LRP11: variants seen among roughly 807,000 people sequenced by gnomAD.
The protein encoded by LRP11 is LDL receptor related protein 11, also known as low-density lipoprotein receptor-related protein 11.
Under a neutral mutation model 43.1 loss-of-function variants are expected in LRP11, and 25 were observed. That is an observed-to-expected ratio of 0.58 (90% CI 0.42 to 0.81). LRP11 has a LOEUF of 0.81. Among genes scored for constraint, LRP11 ranks in the 30% least tolerant of loss-of-function variants. The pLI, the probability that LRP11 is intolerant of heterozygous loss-of-function variation, is 0.00. For missense variants in LRP11, 623 were observed against 665.1 expected (o/e 0.94, Z 0.70); for synonymous variants, 316 against 299.4 (o/e 1.06, Z -0.57).
chr6:149,822,058 G>A (rs1465387681), intron 6 of LRP11, among the ~76,000 whole-genome samples: 1 of 152,184 alleles, frequency 6.6e-6, no homozygotes, highest in African/African-American at 2.4e-5. Context: ...CATCAACAAT[G>A]AAGTGAGGGC....
intron 1 of LRP11, among the ~76,000 whole-genome samples, chr6:149,860,145 T>C (rs1306588797): frequency 6.6e-6 from 1 of 152,080 alleles, no homozygotes; most frequent in East Asian, 1.9e-4. Flanking sequence ...ACTCTTTTGT[T>C]TGCACTTGGC....
chr6:149,855,725 C>G (rs912428635), intron 1 of LRP11, among the ~76,000 whole-genome samples: 15 of 143,730 alleles, frequency 1.0e-4, no homozygotes, highest in Non-Finnish European at 1.7e-4. Flanking sequence ...AAAAAAAACA[C>G]ATTATGAGGA....
At chr6:149,842,788 C>A in intron 3 of LRP11, 195 bp downstream of exon 3, 1 of 1,255,408 alleles carries the variant, frequency 8.0e-7, no homozygotes, top group Non-Finnish European at 1.1e-6. Flanking sequence ...TCCACCCCAA[C>A]CCAGTAGCAT....
At position 149,864,318 on chromosome 6, in the gene LRP11, G is replaced by A; in HGVS notation, c.-298C>T. On this transcript the variant is annotated 5_prime_UTR_variant, in exon 1 of 7. Transcript: ENST00000239367. ...CCTGCGGCGCGCTGGGTGGCGACGA[G>A]TCGGCCTCGGCGTTGATCAGCACCA... 9.7e-7 allele frequency: 1 copy of A among 1,025,954 alleles called. No individual in the cohort carries two copies. The highest frequency in any genetic ancestry group is 8.8e-5 in the East Asian group (1 of 11,344). The allele number at this position is 1,025,954 out of a possible 1,614,324, so 63.6% of individuals were successfully genotyped here.
intron 1 of LRP11, among the ~76,000 whole-genome samples, chr6:149,855,040 A>C (rs1776777939): frequency 6.6e-6 from 1 of 152,170 alleles, no homozygotes; most frequent in Non-Finnish European, 1.5e-5. Context: ...TTTAGGACCT[A>C]ACCCTCCAGG....
chr6:149,832,006 C>T (rs754941141), intron 5 of LRP11, among the ~76,000 whole-genome samples: 3 of 152,100 alleles, frequency 2.0e-5, no homozygotes, highest in African/African-American at 4.8e-5. Context: ...TCTGGAAGGA[C>T]GTACTAATTG....
intron 2 of LRP11, among the ~76,000 whole-genome samples, chr6:149,851,759 G>C (rs1776722526): frequency 6.6e-6 from 1 of 152,166 alleles, no homozygotes; most frequent in Non-Finnish European, 1.5e-5. Flanking sequence ...TTGGAGGAGA[G>C]GCTGGGAAGG....
At chr6:149,841,716 C>CA (rs1776551352) in intron 3 of LRP11, among the ~76,000 whole-genome samples, 1 of 152,040 alleles carries the variant, frequency 6.6e-6, no homozygotes, top group Non-Finnish European at 1.5e-5. Flanking sequence ...AATTCGAGAC[C>CA]AGGTTGGCCA....
chr6:149,823,440 C>A (rs1776301014), intron 6 of LRP11, among the ~76,000 whole-genome samples: 1 of 152,062 alleles, frequency 6.6e-6, no homozygotes. Context: ...CAGGGAGAGA[C>A]CTTGGAAAGA....
chr6:149,825,646 GGTAA>G (rs541418041), intron 6 of LRP11, among the ~76,000 whole-genome samples: 363 of 146,244 alleles, frequency 2.5e-3, no homozygotes, highest in Non-Finnish European at 3.7e-3. Context: ...CAGTTTAGTG[GGTAA>G]GTGAGAATTT....
intron 6 of LRP11, among the ~76,000 whole-genome samples, chr6:149,822,233 G>A (rs1380751596): frequency 6.6e-6 from 1 of 152,052 alleles, no homozygotes; most frequent in African/African-American, 2.4e-5. Context: ...CCAGCTACTC[G>A]GGAGGCTGAA....
chr6:149,840,077 T>C (rs570166964), intron 3 of LRP11, among the ~76,000 whole-genome samples: 1 of 152,206 alleles, frequency 6.6e-6, no homozygotes, highest in African/African-American at 2.4e-5. Flanking sequence ...GTTCAAAATG[T>C]CAACTTATTA....
At position 149,836,212 on chromosome 6, in the gene LRP11, AC is replaced by A; in HGVS notation, c.1124del (p.Gly375ValfsTer41). 1.2e-6 allele frequency: 2 copies of A among 1,613,976 alleles called. No individual in the cohort carries two copies. The highest frequency in any genetic ancestry group is 1.7e-6 in the Non-Finnish European group (2 of 1,180,002). ...RTTGPSEDAG[G>X]DSLVEKSQKA... ...TCTGAGACTTTTCCACCAAGGAGTCACCCCCTGCATCTTCACTCGGCCCTGT... is the reference window on the plus strand; with the variant it reads ...TCTGAGACTTTTCCACCAAGGAGTCACCCCTGCATCTTCACTCGGCCCTGT... On this transcript the variant is annotated frameshift_variant, in exon 5 of 7. Transcript: ENST00000239367.
chr6:149,861,364 TCTC>T (rs1776891381), intron 1 of LRP11, among the ~76,000 whole-genome samples: 1 of 152,028 alleles, frequency 6.6e-6, no homozygotes, highest in African/African-American at 2.4e-5. Flanking sequence ...ACAGCAGTGT[TCTC>T]CCAGAAATGA....
At chr6:149,860,989 C>T (rs1291906543) in intron 1 of LRP11, among the ~76,000 whole-genome samples, 1 of 152,104 alleles carries the variant, frequency 6.6e-6, no homozygotes, top group Non-Finnish European at 1.5e-5. Context: ...GCACCTAACA[C>T]CAAAGTCAAC....
intron 2 of LRP11, among the ~76,000 whole-genome samples, chr6:149,847,830 C>T (rs1776660969): frequency 3.9e-5 from 1 of 25,318 alleles, no homozygotes; most frequent in African/African-American, 1.8e-4. Context: ...AAATTACACA[C>T]ACACACACAC....
chr6:149,820,708 GAGA>G lies in LRP11; in HGVS notation c.1349-8_1349-6del, dbSNP rs1776267556. ...GCGCCAGGGGTAGCACTGCACCTTT[GAGA>G]AGGTTAGACATGAAGAGGGCAAGCC... On this transcript the variant is annotated splice_region_variant and splice_polypyrimidine_tract_variant and intron_variant, in intron 6 of 6. Coordinates refer to ENST00000239367, the MANE Select transcript of LRP11 (RefSeq NM_032832.6). The G allele has an allele frequency of 2.6e-6, 2 of 780,828 alleles. No individual in the cohort carries two copies. The highest frequency in any genetic ancestry group is 2.4e-6 in the Non-Finnish European group (1 of 418,048). The allele number at this position is 780,828 out of a possible 1,614,324, so 48.4% of individuals were successfully genotyped here. A position where few individuals can be genotyped will look rare whatever the true frequency, so the allele number is the denominator to read the frequency against.
In LRP11 at chr6:149,863,706, G is replaced by A; in HGVS notation, c.315C>T (p.Ile105=). The change falls in exon 1 of 7, where the codon ATC becomes ATT. Residue 105 remains isoleucine (I), a synonymous_variant. Transcript: ENST00000239367. ...CCGCCGCCAGGGAGTCCTTGGTGCG[G>A]ATGATGGCGTCAGGCATTGCGCTGT... is the stretch of plus-strand genomic sequence containing the variant. The part of the protein sequence containing the change: ...GGYSAMPDAI[I]RTKDSLAAGA... The A allele has an allele frequency of 6.7e-7, 1 of 1,482,284 alleles. No homozygotes were observed. Among genetic ancestry groups the A allele is most frequent in the Admixed American group, 2.3e-5 (1 of 43,876 alleles). The allele number at this position is 1,482,284 out of a possible 1,614,324, so 91.8% of individuals were successfully genotyped here.
chr6:149,850,252 C>T (rs576827031), intron 2 of LRP11, among the ~76,000 whole-genome samples: 1 of 152,178 alleles, frequency 6.6e-6, no homozygotes, highest in East Asian at 1.9e-4. Context: ...AGCTTGAGGG[C>T]GGAGTGCATC....
Sources: allele counts gnomAD v4.1 joint callset (sites outside exome capture counted in the v4.1 genomes callset), GRCh38; gene constraint gnomAD v4.1.1; transcripts MANE v1.5; gene names NCBI Gene and HGNC (gene_info 2026-07-23, HGNC 2026-07-21).